Variants in DIS3L2 observed in about 807,000 individuals in gnomAD.
DIS3L2 encodes the protein DIS3 like 3'-5' exoribonuclease 2.
DIS3L2 carries 34 observed loss-of-function variants against 97.5 expected under a neutral mutation model. That is an observed-to-expected ratio of 0.35 (90% CI 0.27 to 0.46). DIS3L2 has a LOEUF of 0.46. Ranked by LOEUF, DIS3L2 falls within the 20% of genes least tolerant of loss-of-function variation. DIS3L2 has a pLI of 1.00. For missense variants in DIS3L2, 1,038 were observed against 1,146.0 expected (o/e 0.91, Z 1.36); for synonymous variants, 435 against 445.2 (o/e 0.98, Z 0.29).
intron 10 of DIS3L2, among the ~76,000 whole-genome samples, chr2:232,225,901 T>G (rs1692632205): frequency 6.6e-6 from 1 of 152,060 alleles, no homozygotes. Context: ...GAAAATAAAC[T>G]AGGTGAAAGA....
chr2:232,092,653 A>G (rs1267522686), intron 6 of DIS3L2, among the ~76,000 whole-genome samples: 1 of 152,114 alleles, frequency 6.6e-6, no homozygotes, highest in Admixed American at 6.5e-5. Context: ...TTTTATTTAT[A>G]ACTATTGTAA....
At chr2:232,287,992 A>ATGGGCATT (rs1201729530) in intron 13 of DIS3L2, among the ~76,000 whole-genome samples, 1 of 152,192 alleles carries the variant, frequency 6.6e-6, no homozygotes, top group Admixed American at 6.5e-5. Context: ...TGTCAGATCA[A>ATGGGCATT]TGGGCATTTT....
intron 5 of DIS3L2, among the ~76,000 whole-genome samples, chr2:232,032,396 T>C (rs761976718): frequency 6.6e-6 from 1 of 152,230 alleles, no homozygotes; most frequent in Non-Finnish European, 1.5e-5. Flanking sequence ...AGATTCTGGA[T>C]ATTATCCCTT....
At chr2:232,021,821 A>T (rs372296421) in intron 3 of DIS3L2, among the ~76,000 whole-genome samples, 1 of 152,160 alleles carries the variant, frequency 6.6e-6, no homozygotes, top group Non-Finnish European at 1.5e-5. Context: ...GGTCCCTGAG[A>T]TACATGGGTT....
In DIS3L2 at chr2:232,248,640, G is replaced by C. The variant is rs148502172; in HGVS notation, c.1318-599G>C. 7.3e-3 allele frequency among the ~76,000 whole-genome samples: 1,113 copies of C among 152,244 alleles called. 11 individuals carry two copies. The highest frequency in any genetic ancestry group is 0.025 in the African/African-American group (1,054 of 41,538). On this transcript the variant is annotated intron_variant, in intron 11 of 20. Coordinates refer to ENST00000325385, the MANE Select transcript of DIS3L2 (RefSeq NM_152383.5). ...TCAATAAGGAGAAGAAATAATTTAG[G>C]CTTAAAAAATGGGAAAATGGATAAC... is the stretch of plus-strand genomic sequence containing the variant.
chr2:232,258,665 T>G (rs1301478526), intron 12 of DIS3L2, among the ~76,000 whole-genome samples: 2 of 152,018 alleles, frequency 1.3e-5, no homozygotes, highest in African/African-American at 4.8e-5. Flanking sequence ...GTTTTGTTTC[T>G]GAAGCTCTCC....
At chr2:232,217,207 A>C (rs1194035055) in intron 10 of DIS3L2, among the ~76,000 whole-genome samples, 1 of 152,168 alleles carries the variant, frequency 6.6e-6, no homozygotes, top group Non-Finnish European at 1.5e-5. Flanking sequence ...ATGAGGGATC[A>C]CACCTGGCCA....
At chr2:232,083,095 C>A (rs1478634689) in intron 5 of DIS3L2, among the ~76,000 whole-genome samples, 1 of 151,296 alleles carries the variant, frequency 6.6e-6, no homozygotes, top group Non-Finnish European at 1.5e-5. Flanking sequence ...TTACCTCCCA[C>A]CTGGTCCCTC....
intron 1 of DIS3L2, among the ~76,000 whole-genome samples, chr2:231,990,602 A>C (rs1012010338): frequency 1.3e-5 from 2 of 152,182 alleles, no homozygotes; most frequent in South Asian, 4.1e-4. Flanking sequence ...TTTCCACCTT[A>C]TAACATTTTT....
chr2:232,284,459 ATTATT>A (rs1694375248), intron 13 of DIS3L2, among the ~76,000 whole-genome samples: 1 of 152,198 alleles, frequency 6.6e-6, no homozygotes, highest in Admixed American at 6.5e-5. Context: ...GATCAATGTT[ATTATT>A]TTATCTTTTC....
chr2:231,984,010 G>A (rs1471666881), intron 1 of DIS3L2, among the ~76,000 whole-genome samples: 1 of 151,426 alleles, frequency 6.6e-6, no homozygotes, highest in African/African-American at 2.4e-5. Flanking sequence ...TATTGTTTTT[G>A]GGCATTATTG....
chr2:232,276,691 A>G lies in DIS3L2; in HGVS notation c.1659+13251A>G, dbSNP rs1694150296. The stretch of plus-strand genomic sequence containing the variant: ...GCGCAACAAGAGAATGTAGTGATCA[A>G]GAGCATGGACCCTGGGTCAGACTGC... On this transcript the variant is annotated intron_variant, in intron 13 of 20. Transcript: ENST00000325385. The surrounding 1 kb of genome is among the most constrained non-coding windows in gnomAD (Gnocchi z 4.4). Among the ~76,000 whole-genome samples the G allele has an allele frequency of 6.6e-6, 1 of 152,218 alleles. No homozygotes were observed. Among genetic ancestry groups the G allele is most frequent in the Non-Finnish European group, 1.5e-5 (1 of 68,034 alleles).
intron 1 of DIS3L2, among the ~76,000 whole-genome samples, chr2:231,988,452 T>C (rs1693482995): frequency 2.0e-5 from 3 of 152,252 alleles, no homozygotes; most frequent in Admixed American, 1.3e-4. Context: ...CATCAAGCTT[T>C]CCCTATCTAT....
chr2:232,270,860 G>GTCCCTCTCTCTCTCTCTC (rs1491319157), intron 13 of DIS3L2, among the ~76,000 whole-genome samples: 36 of 103,870 alleles, frequency 3.5e-4, no homozygotes, highest in East Asian at 2.7e-3. Context: ...TCTTTTTCTC[G>GTCCCTCTCTCTCTCTCTC]TCTCTCTCTC....
At chr2:232,236,859 C>T (rs149276814) in intron 10 of DIS3L2, among the ~76,000 whole-genome samples, 2,405 of 152,280 alleles carry the variant, frequency 0.016, 26 homozygotes, top group Middle Eastern at 0.044. Flanking sequence ...TCAAGCAGTT[C>T]TCCTGCCTCA....
At chr2:232,070,821 G>A (rs951571462) in intron 5 of DIS3L2, among the ~76,000 whole-genome samples, 3 of 152,092 alleles carry the variant, frequency 2.0e-5, no homozygotes, top group Non-Finnish European at 4.4e-5. Flanking sequence ...TTGACCTTGT[G>A]ATCTGCCCCC....
rs1201108976 is a variant in DIS3L2 at position 232,325,357 on chromosome 2, G to A, written c.1740-4456G>A. Among the ~76,000 whole-genome samples the A allele has an allele frequency of 6.6e-6, 1 of 152,220 alleles. No homozygotes were observed. The highest frequency in any genetic ancestry group is 1.5e-5 in the Non-Finnish European group (1 of 68,036). ...TTCTTTAGAGGAACGTTTGTGCACT[G>A]TGGGAACCTCTGTCTCTACCAGTGT... On this transcript the variant is annotated intron_variant, in intron 14 of 20. Coordinates refer to ENST00000325385, the MANE Select transcript of DIS3L2 (RefSeq NM_152383.5). This position sits in a 1 kb window ranked among gnomAD's most constrained non-coding sequence, Gnocchi z 4.6.
intron 6 of DIS3L2, among the ~76,000 whole-genome samples, chr2:232,092,782 GT>G (rs1364884245): frequency 1.2e-4 from 19 of 152,160 alleles, no homozygotes. Context: ...AGTTCTAATA[GT>G]TTTTTGGTGA....
At chr2:232,118,145 C>T (rs1697784346) in intron 6 of DIS3L2, among the ~76,000 whole-genome samples, 1 of 152,184 alleles carries the variant, frequency 6.6e-6, no homozygotes, top group Admixed American at 6.5e-5. Flanking sequence ...TATGTGGCCG[C>T]ATGCTTTATC....
Sources: gnomAD v4.1 joint callset for allele counts (sites outside exome capture counted in the v4.1 genomes callset) on GRCh38, gnomAD v4.1.1 for gene constraint, Gnocchi (gnomAD v3.1) non-coding constraint, MANE v1.5 for transcripts, NCBI Gene and HGNC (gene_info 2026-07-23, HGNC 2026-07-21) for gene names.